DCP2: variants seen among roughly 807,000 people sequenced by gnomAD.
DCP2 encodes the protein decapping mRNA 2.
Under a neutral mutation model 56.1 loss-of-function variants are expected in DCP2, and 30 were observed. The observed-to-expected ratio is 0.53, with a 90% CI of 0.40 to 0.73. DCP2 has a LOEUF of 0.73. DCP2 is among the 30% of genes least tolerant of loss of function. DCP2 has a pLI of 0.00. For synonymous variants in DCP2, 197 were observed against 163.3 expected, an observed-to-expected ratio of 1.21 and a Z score of -1.57; for missense variants, 533 against 502.7, an observed-to-expected ratio of 1.06 and a Z score of -0.58.
intron 10 of DCP2, 35 bp from the exon 11 acceptor site, chr5:113,013,286 A>G (rs1311352510): frequency 1.9e-6 from 3 of 1,590,448 alleles, no homozygotes; most frequent in East Asian, 2.2e-5. Flanking sequence ...TACTAAGGTT[A>G]CTGAGCTTAT....
At chr5:112,994,190 A>C (rs1240852805) in intron 4 of DCP2, among the ~76,000 whole-genome samples, 1 of 129,276 alleles carries the variant, frequency 7.7e-6, no homozygotes, top group Non-Finnish European at 1.6e-5. Flanking sequence ...TTTTTTTTTA[A>C]AGACAGGGTC....
chr5:112,992,321 T>G (rs1748632243), intron 3 of DCP2, 73 bp downstream of exon 3: 4 of 1,532,266 alleles, frequency 2.6e-6, no homozygotes, highest in South Asian at 1.3e-5. Context: ...GTTATTGATG[T>G]AGTGTTTCTA....
Position 113,022,166 on chromosome 5 carries a change from G to A in DCP2, c.*8682G>A, listed in dbSNP as rs1580852326. The A allele has an allele frequency of 1.3e-5, 2 of 152,524 alleles. No homozygotes were observed. The highest frequency in any genetic ancestry group is 6.6e-5 in the Admixed American group (1 of 15,266). 9.4% of individuals were successfully genotyped at this position (152,524 alleles called of 1,614,324 possible). A position where few individuals can be genotyped will look rare whatever the true frequency, so the allele number is the denominator to read the frequency against. On this transcript the variant is annotated 3_prime_UTR_variant, in exon 11 of 11. Transcript: ENST00000389063. ...TTTGTAAAATATTATAAATGTCTCT[G>A]TATAAATAAATGGAGTTTTTAAAAA...
chr5:113,007,775 A>G (rs1192573437), intron 8 of DCP2, among the ~76,000 whole-genome samples, 163 bp from the exon 9 acceptor site: 1 of 152,206 alleles, frequency 6.6e-6, no homozygotes, highest in African/African-American at 2.4e-5. Flanking sequence ...GGAAGCACTG[A>G]CTTCTATAAG....
chr5:113,004,534 G>C (rs148737393), intron 8 of DCP2, among the ~76,000 whole-genome samples: 68 of 152,254 alleles, frequency 4.5e-4, no homozygotes, highest in African/African-American at 1.6e-3. Flanking sequence ...CACTGTTAAT[G>C]CACATTTTGG....
rs751669197 is a variant in DCP2 at position 112,976,837 on chromosome 5, G to T, written c.-97G>T. 1 of 1,328,828 alleles carries T rather than the reference G, an allele frequency of 7.5e-7. No individual in the cohort carries two copies. The highest frequency in any genetic ancestry group is 1.7e-5 in the Admixed American group (1 of 59,620). 82.3% of individuals were successfully genotyped at this position (1,328,828 alleles called of 1,614,324 possible). A position where few individuals can be genotyped will look rare whatever the true frequency, so the allele number is the denominator to read the frequency against. The stretch of plus-strand genomic sequence containing the variant: ...AGTCGTCTCTGCCGCGGCTTCCTCG[G>T]CTGCCAGCTCTCCGGCGAGCCGGAG... On this transcript the variant is annotated 5_prime_UTR_variant, in exon 1 of 11. Transcript: ENST00000389063.
At chr5:113,001,298 C>G in intron 5 of DCP2, 59 bp from the exon 6 acceptor site, 3 of 1,595,864 alleles carry the variant, frequency 1.9e-6, no homozygotes, top group Non-Finnish European at 2.6e-6. Flanking sequence ...GTAGGGAAAT[C>G]CTTTTATAAG....
rs1295276562 is a variant in DCP2, at chr5:113,001,680, G to C, written c.806+6G>C. 6.2e-7 allele frequency: 1 copy of C among 1,607,666 alleles called. No homozygotes were observed. Among genetic ancestry groups the C allele is most frequent in the Non-Finnish European group, 8.5e-7 (1 of 1,174,336 alleles). On this transcript the variant is annotated splice_donor_region_variant and intron_variant, in intron 7 of 10. Coordinates refer to ENST00000389063, the MANE Select transcript of DCP2 (RefSeq NM_152624.6). ...CCCACTGTGGAAAAATTGAGGTAAA[G>C]AAATACATTCATGGAATCCTGATTT...
chr5:112,977,353 G>C (rs1191163761), intron 1 of DCP2, among the ~76,000 whole-genome samples: 1 of 152,036 alleles, frequency 6.6e-6, no homozygotes, highest in Non-Finnish European at 1.5e-5. Context: ...ACTTTTCCAC[G>C]CCGTGCACCC....
At chr5:112,985,289 C>A (rs979040206) in intron 1 of DCP2, among the ~76,000 whole-genome samples, 3 of 151,748 alleles carry the variant, frequency 2.0e-5, no homozygotes, top group Non-Finnish European at 4.4e-5. Flanking sequence ...CTTTCCTTTC[C>A]CCAATGTACA....
At position 113,004,019 on chromosome 5, in the gene DCP2, C is replaced by T; in HGVS notation, c.884C>T (p.Pro295Leu). The T allele has an allele frequency of 1.2e-6, 2 of 1,614,066 alleles. No homozygotes were observed. Among genetic ancestry groups the T allele is most frequent in the Non-Finnish European group, 1.7e-6 (2 of 1,179,980 alleles). ...PGDQWVKHRQ[P>L]LQQKPYNNHS... ...GACCAGTGGGTAAAGCACAGGCAAC[C>T]ACTGCAGCAAAAGCCATATAATAAT... is the stretch of plus-strand genomic sequence containing the variant. The change falls in exon 8 of 11, where the codon CCA (proline) becomes CTA (leucine). Residue 295 changes from proline to leucine, a missense_variant. Physicochemically the swap from Pro to Leu is moderately conservative, Grantham distance 98 (BLOSUM62 -3). This residue lies in a region of DCP2 where 392 missense variants were observed against 346.6 expected (regional missense o/e 1.13). Coordinates refer to ENST00000389063, the MANE Select transcript of DCP2 (RefSeq NM_152624.6).
At chr5:113,005,151 G>GTGTGTGTGTGTGTGTGTGTGTGT (rs1749361092) in intron 8 of DCP2, among the ~76,000 whole-genome samples, 10 of 149,420 alleles carry the variant, frequency 6.7e-5, no homozygotes, top group African/African-American at 2.5e-4. Context: ...TGTGCGTGTG[G>GTGTGTGTGTGTGTGTGTGTGTGT]GTGTGTGTGT....
intron 4 of DCP2, 124 bp from the exon 5 acceptor site, chr5:113,000,960 T>G: frequency 9.9e-7 from 1 of 1,005,908 alleles, no homozygotes; most frequent in South Asian, 1.8e-5. Flanking sequence ...CAGCCTGTCA[T>G]TTCTAGAAAT....
At position 113,018,573 on chromosome 5, in the gene DCP2, C is replaced by T. The variant is rs574586327; in HGVS notation, c.*5089C>T. On this transcript the variant is annotated 3_prime_UTR_variant, in exon 11 of 11. Coordinates refer to ENST00000389063, the MANE Select transcript of DCP2 (RefSeq NM_152624.6). ...CACATGGACCCTAACCTTTAGTAGA[C>T]TTCAGTCTTTTAGTCCAGTAGAAGA... 6.6e-6 allele frequency: 1 copy of T among 152,178 alleles called. No individual in the cohort carries two copies. The highest frequency in any genetic ancestry group is 2.1e-4 in the South Asian group (1 of 4,832). The allele number at this position is 152,178 out of a possible 1,614,324, so 9.4% of individuals were successfully genotyped here. A position where few individuals can be genotyped will look rare whatever the true frequency, so the allele number is the denominator to read the frequency against.
At chr5:112,977,963 TTTTG>T (rs368903458) in intron 1 of DCP2, among the ~76,000 whole-genome samples, 30 of 152,138 alleles carry the variant, frequency 2.0e-4, no homozygotes, top group South Asian at 4.1e-4. Flanking sequence ...TTGGGGTTTT[TTTTG>T]TTTGTTTGTT....
Position 113,016,362 on chromosome 5 carries a change from T to A in DCP2, c.*2878T>A, listed in dbSNP as rs1259378956. 6.6e-6 allele frequency: 1 copy of A among 152,506 alleles called. No homozygotes were observed. The highest frequency in any genetic ancestry group is 1.5e-5 in the Non-Finnish European group (1 of 68,038). 9.4% of individuals were successfully genotyped at this position (152,506 alleles called of 1,614,324 possible). A position where few individuals can be genotyped will look rare whatever the true frequency, so the allele number is the denominator to read the frequency against. On this transcript the variant is annotated 3_prime_UTR_variant, in exon 11 of 11. Transcript: ENST00000389063. ...AAAGATGTTGGAAAATGAAGTTGGA[T>A]TTTTGTATTCATGTATAAAGGAAAG...
intron 4 of DCP2, among the ~76,000 whole-genome samples, chr5:112,997,713 C>CA (rs1748931393): frequency 6.6e-6 from 1 of 151,654 alleles, no homozygotes; most frequent in Non-Finnish European, 1.5e-5. Flanking sequence ...CTCCCGGGTT[C>CA]AAGTGATTCT....
At chr5:112,985,742 A>G (rs1234197710) in intron 1 of DCP2, 93 bp from the exon 2 acceptor site, 29 of 1,418,928 alleles carry the variant, frequency 2.0e-5, no homozygotes, top group South Asian at 2.7e-5. Flanking sequence ...CCCTTTTCTC[A>G]GTTGGTGGGT....
rs1750157195 is a variant in DCP2, at chr5:113,021,837, T to G, written c.*8353T>G. On this transcript the variant is annotated 3_prime_UTR_variant, in exon 11 of 11. Coordinates refer to ENST00000389063, the MANE Select transcript of DCP2 (RefSeq NM_152624.6). ...TTCCAGTCCTTGATTACATTCCATT[T>G]TAATGATCTTTCTTTAAGAGGGGAA... Among the ~76,000 whole-genome samples, 1 of 152,244 alleles carries G rather than the reference T, an allele frequency of 6.6e-6. No homozygotes were observed. The highest frequency in any genetic ancestry group is 1.5e-5 in the Non-Finnish European group (1 of 68,040).
Sources: allele counts gnomAD v4.1 joint callset (sites outside exome capture counted in the v4.1 genomes callset), GRCh38; gene constraint gnomAD v4.1.1; regional missense constraint gnomAD v4.1.1; transcripts MANE v1.5; gene names NCBI Gene and HGNC (gene_info 2026-07-23, HGNC 2026-07-21).